Variants in RAD18 observed in about 807,000 individuals in gnomAD.
The protein encoded by RAD18 is E3 ubiquitin-protein ligase RAD18.
RAD18 carries 47 observed loss-of-function variants against 60.4 expected under a neutral mutation model. The observed-to-expected ratio is 0.78, with a 90% CI of 0.62 to 0.99. The LOEUF (loss-of-function observed/expected upper bound fraction) is 0.99. Among genes scored for constraint, RAD18 ranks in the 50% least tolerant of loss-of-function variants. RAD18 has a pLI of 0.00. For missense variants in RAD18, 640 were observed against 593.3 expected (o/e 1.08, Z -0.82); for synonymous variants, 225 against 195.5 (o/e 1.15, Z -1.26).
intron 12 of RAD18, among the ~76,000 whole-genome samples, chr3:8,884,382 C>G (rs1276245927): frequency 1.3e-5 from 2 of 152,050 alleles, no homozygotes; most frequent in African/African-American, 2.4e-5. Context: ...AGAATTTCCA[C>G]CATTTTTGCT....
intron 9 of RAD18, among the ~76,000 whole-genome samples, chr3:8,905,605 T>C (rs1008204869): frequency 1.3e-5 from 2 of 152,216 alleles, no homozygotes; most frequent in Admixed American, 1.3e-4. Context: ...ACCAGCTAAA[T>C]GTGGATGAAG....
chr3:8,902,569 C>A, intron 9 of RAD18, 49 bp from the exon 10 acceptor site: 1 of 1,511,870 alleles, frequency 6.6e-7, no homozygotes, highest in Non-Finnish European at 8.9e-7. Flanking sequence ...TGAAAGTTAA[C>A]CATCTACAAC....
At chr3:8,961,544 T>C (rs934251987) in intron 1 of RAD18, among the ~76,000 whole-genome samples, 1 of 152,182 alleles carries the variant, frequency 6.6e-6, no homozygotes, top group East Asian at 1.9e-4. Context: ...AGACTTCTAT[T>C]CAATAAAAGA....
At chr3:8,901,796 T>A (rs1939917527) in intron 10 of RAD18, among the ~76,000 whole-genome samples, 1 of 152,232 alleles carries the variant, frequency 6.6e-6, no homozygotes, top group South Asian at 2.1e-4. Context: ...GTTAAAAAGA[T>A]AAACATTGTG....
rs959471446 is a variant in RAD18, at chr3:8,878,171, T to G, written c.*3186A>C. The G allele has an allele frequency of 6.6e-6, 1 of 152,164 alleles. No homozygotes were observed. The highest frequency in any genetic ancestry group is 6.6e-5 in the Admixed American group (1 of 15,264). The allele number at this position is 152,164 out of a possible 1,614,324, so 9.4% of individuals were successfully genotyped here. ...GGGGGAGCAGCAACATATGCAAGCATGGACTTGTATCTGTATTCTGAATAT... is the reference window on the plus strand; with the variant it reads ...GGGGGAGCAGCAACATATGCAAGCAGGGACTTGTATCTGTATTCTGAATAT... On this transcript the variant is annotated 3_prime_UTR_variant, in exon 13 of 13. Transcript: ENST00000264926.
chr3:8,927,611 A>G (rs1161824), intron 7 of RAD18, among the ~76,000 whole-genome samples: 105,082 of 152,012 alleles, frequency 0.69, 36,863 homozygotes, highest in Middle Eastern at 0.77. Context: ...ACATGCACAC[A>G]TATGTTTATT....
At chr3:8,916,658 T>G (rs1218163308) in intron 7 of RAD18, among the ~76,000 whole-genome samples, 1 of 152,082 alleles carries the variant, frequency 6.6e-6, no homozygotes, top group Non-Finnish European at 1.5e-5. Context: ...TACTTTTTTT[T>G]AGAAAGAATA....
At chr3:8,909,852 TATC>T (rs1254765231) in intron 9 of RAD18, among the ~76,000 whole-genome samples, 1 of 152,242 alleles carries the variant, frequency 6.6e-6, no homozygotes, top group African/African-American at 2.4e-5. Flanking sequence ...GAAAAAAAAT[TATC>T]ATAATGTTTA....
At chr3:8,885,395 A>G (rs543201714) in intron 12 of RAD18, among the ~76,000 whole-genome samples, 1 of 152,350 alleles carries the variant, frequency 6.6e-6, no homozygotes, top group East Asian at 1.9e-4. Context: ...AATGTAGACT[A>G]TTAATAGAGA....
intron 7 of RAD18, among the ~76,000 whole-genome samples, chr3:8,920,715 A>G (rs1162368810): frequency 6.6e-6 from 1 of 152,244 alleles, no homozygotes; most frequent in Non-Finnish European, 1.5e-5. Flanking sequence ...TGCCAGAATG[A>G]GAAGATTTTA....
intron 2 of RAD18, among the ~76,000 whole-genome samples, chr3:8,948,819 T>C (rs1177183775): frequency 6.6e-6 from 1 of 152,208 alleles, no homozygotes; most frequent in African/African-American, 2.4e-5. Flanking sequence ...TACATCACTC[T>C]GTGTCCTCCA....
intron 1 of RAD18, among the ~76,000 whole-genome samples, chr3:8,960,292 G>C (rs1355343540): frequency 6.6e-6 from 1 of 151,946 alleles, no homozygotes; most frequent in Non-Finnish European, 1.5e-5. Context: ...GCGACAGTGA[G>C]ACCCTATCTC....
chr3:8,911,487 G>T (rs115540502), intron 9 of RAD18, among the ~76,000 whole-genome samples: 2 of 152,080 alleles, frequency 1.3e-5, no homozygotes, highest in African/African-American at 4.8e-5. Context: ...ATACTTATCT[G>T]TCCAGCAACA....
At chr3:8,900,330 G>A (rs967799831) in intron 10 of RAD18, among the ~76,000 whole-genome samples, 3 of 152,114 alleles carry the variant, frequency 2.0e-5, no homozygotes, top group Admixed American at 1.3e-4. Flanking sequence ...CAGTCAACTC[G>A]GTTCACCCAG....
rs1010763844 is a variant in RAD18 at position 8,880,862 on chromosome 3, T to C, written c.*495A>G. On this transcript the variant is annotated 3_prime_UTR_variant, in exon 13 of 13. Transcript: ENST00000264926. The stretch of plus-strand genomic sequence containing the variant: ...TGGAGCTGCTGTAACACAGGCATGG[T>C]GGTGGCGTGCATCGGTACTTACACA... 1 of 153,276 alleles carries C rather than the reference T, an allele frequency of 6.5e-6. No homozygotes were observed. Among genetic ancestry groups the C allele is most frequent in the African/African-American group, 2.4e-5 (1 of 41,442 alleles). 9.5% of individuals were successfully genotyped at this position (153,276 alleles called of 1,614,324 possible).
At chr3:8,901,152 A>T (rs991928750) in intron 10 of RAD18, among the ~76,000 whole-genome samples, 27 of 152,182 alleles carry the variant, frequency 1.8e-4, no homozygotes, top group African/African-American at 5.5e-4. Flanking sequence ...TACAATTTTT[A>T]AAAAATTTAA....
At chr3:8,939,504 C>A in intron 6 of RAD18, 50 bp downstream of exon 6, 2 of 1,473,660 alleles carry the variant, frequency 1.4e-6, no homozygotes, top group South Asian at 2.3e-5. Context: ...CAAGTAAGCA[C>A]AAGAGGCACC....
In RAD18 at chr3:8,877,119, A is replaced by G. The variant is rs1939370342; in HGVS notation, c.*4238T>C. ...CTAATATTTTGTATTTTGGAATCAA[A>G]GGAGTCAGAAGATGCATGCATCAGT... On this transcript the variant is annotated 3_prime_UTR_variant, in exon 13 of 13. Coordinates refer to ENST00000264926, the MANE Select transcript of RAD18 (RefSeq NM_020165.4). 1 of 152,250 alleles carries G rather than the reference A, an allele frequency of 6.6e-6. No homozygotes were observed. Among genetic ancestry groups the G allele is most frequent in the Admixed American group, 6.5e-5 (1 of 15,278 alleles). The allele number at this position is 152,250 out of a possible 1,614,324, so 9.4% of individuals were successfully genotyped here. A position where few individuals can be genotyped will look rare whatever the true frequency, so the allele number is the denominator to read the frequency against.
chr3:8,893,373 T>A (rs2125047931), intron 11 of RAD18, among the ~76,000 whole-genome samples: 1 of 152,194 alleles, frequency 6.6e-6, no homozygotes, highest in East Asian at 1.9e-4. Flanking sequence ...TGGTTGAGTA[T>A]ATCCAATTTA....
Sources: gnomAD v4.1 joint callset for allele counts (sites outside exome capture counted in the v4.1 genomes callset) on GRCh38, gnomAD v4.1.1 for gene constraint, MANE v1.5 for transcripts, NCBI Gene and HGNC (gene_info 2026-07-23, HGNC 2026-07-21) for gene names.